The following ADCY8 variants were observed in gnomAD, a reference collection of about 807,000 sequenced individuals.
ADCY8 encodes adenylate cyclase type 8.
In ADCY8, 51 loss-of-function variants were observed where a neutral mutation model predicts 119.7. The observed-to-expected ratio is 0.43, with a 90% CI of 0.34 to 0.54. The LOEUF (loss-of-function observed/expected upper bound fraction) is 0.54, where lower values mean the gene tolerates loss of function less well. ADCY8 is among the 20% of genes least tolerant of loss of function. The pLI, the probability that ADCY8 is intolerant of heterozygous loss-of-function variation, is 0.03. For missense variants in ADCY8, 1,383 were observed against 1,598.8 expected, an observed-to-expected ratio of 0.87 and a Z score of 2.30; for synonymous variants, 665 against 651.0, an observed-to-expected ratio of 1.02 and a Z score of -0.33.
intron 9 of ADCY8, among the ~76,000 whole-genome samples, chr8:130,852,939 T>C (rs77018314): frequency 0.051 from 7,718 of 152,274 alleles, 358 homozygotes; most frequent in East Asian, 0.26. Flanking sequence ...TAAGTATTCA[T>C]TGACTTATGC....
At chr8:130,802,115 T>A (rs760228754) in intron 14 of ADCY8, among the ~76,000 whole-genome samples, 40 of 152,198 alleles carry the variant, frequency 2.6e-4, no homozygotes, top group Non-Finnish European at 2.8e-4. Context: ...GCCCTCACCC[T>A]CCTCCAATCA....
intron 1 of ADCY8, among the ~76,000 whole-genome samples, chr8:131,008,877 T>C (rs2130776222): frequency 6.6e-6 from 1 of 152,278 alleles, no homozygotes; most frequent in South Asian, 2.1e-4. Context: ...GGAGCAATGG[T>C]GACCCTTGCT....
intron 1 of ADCY8, among the ~76,000 whole-genome samples, chr8:131,033,064 C>T (rs1295175937): frequency 1.3e-5 from 2 of 152,166 alleles, no homozygotes; most frequent in African/African-American, 4.8e-5. Flanking sequence ...AAGTGAACTG[C>T]TATGTTGTCC....
chr8:130,995,511 C>T (rs985137787), intron 1 of ADCY8, among the ~76,000 whole-genome samples: 6 of 152,104 alleles, frequency 3.9e-5, no homozygotes, highest in Admixed American at 2.0e-4. Context: ...CAGTGAGGAT[C>T]GTTTGATCCT....
chr8:130,973,489 A>G (rs1821984243), intron 2 of ADCY8, among the ~76,000 whole-genome samples: 1 of 152,244 alleles, frequency 6.6e-6, no homozygotes, highest in Admixed American at 6.5e-5. Context: ...GCCCTGGTCC[A>G]CAGTCTTCCA....
chr8:130,852,440 T>C (rs931914285), intron 9 of ADCY8, among the ~76,000 whole-genome samples: 3 of 152,160 alleles, frequency 2.0e-5, no homozygotes, highest in African/African-American at 4.8e-5. Flanking sequence ...ACACCATTAT[T>C]TCTGGGCACC....
intron 11 of ADCY8, among the ~76,000 whole-genome samples, chr8:130,842,277 A>G (rs1359917677): frequency 1.3e-5 from 2 of 152,032 alleles, no homozygotes; most frequent in African/African-American, 4.8e-5. Flanking sequence ...GTGTGTGTTT[A>G]TATTGAGGTT....
Position 130,780,564 on chromosome 8 carries a change from C to A in ADCY8, c.3582G>T (p.Ala1194=). 1 of 1,614,132 alleles carries A rather than the reference C, an allele frequency of 6.2e-7. No homozygotes were observed. The highest frequency in any genetic ancestry group is 2.2e-5 in the East Asian group (1 of 44,868). ...RRLPGQYSLA[A]VVLGLVQSLN... The stretch of plus-strand genomic sequence containing the variant: ...GGGACTGGACAAGTCCCAGGACAAC[C>A]GCGGCCAGGGAGTACTGCCCAGGCA... The change falls in exon 18 of 18, where the codon GCG becomes GCT. Residue 1194 remains alanine, a synonymous_variant. Coordinates refer to ENST00000286355, the MANE Select transcript of ADCY8 (RefSeq NM_001115.3).
intron 14 of ADCY8, among the ~76,000 whole-genome samples, chr8:130,810,217 G>C (rs1279003230): frequency 1.3e-5 from 2 of 151,920 alleles, no homozygotes; most frequent in East Asian, 3.9e-4. Flanking sequence ...AGCAAGAGGA[G>C]AAACTAAAAA....
At chr8:130,887,488 C>T (rs184339644) in intron 7 of ADCY8, among the ~76,000 whole-genome samples, 1 of 152,204 alleles carries the variant, frequency 6.6e-6, no homozygotes, top group Non-Finnish European at 1.5e-5. Context: ...AAGTGTTTTC[C>T]TAGCATTTTA....
intron 2 of ADCY8, among the ~76,000 whole-genome samples, chr8:130,957,347 T>C (rs1188053154): frequency 6.6e-6 from 1 of 152,198 alleles, no homozygotes; most frequent in Non-Finnish European, 1.5e-5. Context: ...AGAGAAATGA[T>C]TTAGGGTATC....
In ADCY8 at chr8:130,988,159, G is replaced by GT. The variant is rs755173995; in HGVS notation, c.1110+2233dup. 8.5e-5 allele frequency among the ~76,000 whole-genome samples: 13 copies of GT among 152,296 alleles called. No homozygotes were observed. The East Asian group carries it at 1.2e-3, about 14-fold the overall frequency. On this transcript the variant is annotated intron_variant, in intron 2 of 17. Coordinates refer to ENST00000286355, the MANE Select transcript of ADCY8 (RefSeq NM_001115.3). ...AGGGCAATCTCATTTGAAAGCCTAT[G>GT]TTTTTTCTGCCAGACTACACTGTCC...
intron 16 of ADCY8, 34 bp downstream of exon 16, chr8:130,785,349 C>T (rs1276931563): frequency 3.4e-6 from 5 of 1,476,824 alleles, no homozygotes; most frequent in East Asian, 4.7e-5. Flanking sequence ...AAGACCCCAC[C>T]ATGCATTGTG....
intron 8 of ADCY8, among the ~76,000 whole-genome samples, chr8:130,878,132 T>A (rs1487866367): frequency 6.6e-6 from 1 of 152,210 alleles, no homozygotes; most frequent in Non-Finnish European, 1.5e-5. Flanking sequence ...ATCAAGCCCC[T>A]TGCTTTGTAT....
intron 5 of ADCY8, among the ~76,000 whole-genome samples, chr8:130,917,330 A>G (rs1372548045): frequency 6.6e-6 from 1 of 152,214 alleles, no homozygotes; most frequent in African/African-American, 2.4e-5. Flanking sequence ...GCTTACATCA[A>G]TGTGGTTTAT....
At chr8:130,989,503 A>G (rs887506613) in intron 2 of ADCY8, among the ~76,000 whole-genome samples, 3 of 152,212 alleles carry the variant, frequency 2.0e-5, no homozygotes, top group Non-Finnish European at 2.9e-5. Context: ...TAACTTTAAG[A>G]AAAAGGGCTT....
intron 12 of ADCY8, among the ~76,000 whole-genome samples, chr8:130,830,706 A>G (rs902470875): frequency 2.0e-5 from 3 of 152,200 alleles, no homozygotes; most frequent in African/African-American, 7.2e-5. Flanking sequence ...GACTAAAAAG[A>G]GGGTGGGTTT....
At chr8:131,039,297 C>T (rs1460053553) in intron 1 of ADCY8, 77 bp downstream of exon 1, 1 of 1,562,058 alleles carries the variant, frequency 6.4e-7, no homozygotes, top group African/African-American at 1.4e-5. Flanking sequence ...TGAGGCAACC[C>T]TGGCTCTCTG....
chr8:130,822,187 T>C (rs895709306), intron 12 of ADCY8, among the ~76,000 whole-genome samples: 2 of 152,036 alleles, frequency 1.3e-5, no homozygotes, highest in African/African-American at 4.8e-5. Context: ...GCCATAGGAA[T>C]ACACGGGAAA....
Sources: gnomAD v4.1 joint callset for allele counts (sites outside exome capture counted in the v4.1 genomes callset) on GRCh38, gnomAD v4.1.1 for gene constraint, MANE v1.5 for transcripts, NCBI Gene and HGNC (gene_info 2026-07-23, HGNC 2026-07-21) for gene names.